The following PHLDB2 variants were observed in gnomAD, a reference collection of about 807,000 sequenced individuals.
PHLDB2 encodes pleckstrin homology-like domain family B member 2.
A neutral mutation model predicts 123.6 loss-of-function variants in PHLDB2; 71 were observed. The ratio of observed to expected loss-of-function variants is 0.57; its 90% CI spans 0.47 to 0.70. The LOEUF (loss-of-function observed/expected upper bound fraction) is 0.70. Among genes scored for constraint, PHLDB2 ranks in the 30% least tolerant of loss-of-function variants. The pLI, the probability that PHLDB2 is intolerant of heterozygous loss-of-function variation, is 0.00. For missense variants in PHLDB2, 1,446 were observed against 1,519.5 expected, an observed-to-expected ratio of 0.95 and a Z score of 0.80; for synonymous variants, 547 against 541.6, an observed-to-expected ratio of 1.01 and a Z score of -0.14.
intron 1 of PHLDB2, among the ~76,000 whole-genome samples, chr3:111,861,273 C>G (rs2064824437): frequency 6.6e-6 from 1 of 152,216 alleles, no homozygotes; most frequent in South Asian, 2.1e-4. Flanking sequence ...ACAGTTCTGT[C>G]TATTCTTGGC....
intron 6 of PHLDB2, among the ~76,000 whole-genome samples, chr3:111,938,428 G>A (rs1230989998): frequency 6.6e-6 from 1 of 151,734 alleles, no homozygotes; most frequent in Non-Finnish European, 1.5e-5. Context: ...AAAATTATTA[G>A]AGCATGCATT....
chr3:111,927,550 C>G (rs1226192378), intron 5 of PHLDB2, among the ~76,000 whole-genome samples: 1 of 152,134 alleles, frequency 6.6e-6, no homozygotes, highest in Non-Finnish European at 1.5e-5. Flanking sequence ...TTAGGAAAAT[C>G]TTTATCATGC....
At chr3:111,945,183 T>C (rs1384551017) in intron 8 of PHLDB2, 85 bp from the exon 9 acceptor site, 2 of 863,578 alleles carry the variant, frequency 2.3e-6, no homozygotes, top group Admixed American at 2.3e-5. Flanking sequence ...GAGAATCTGA[T>C]GTTAGTCTCT....
chr3:111,873,894 G>A (rs2065465714), intron 1 of PHLDB2, among the ~76,000 whole-genome samples: 1 of 152,038 alleles, frequency 6.6e-6, no homozygotes, highest in African/African-American at 2.4e-5. Context: ...ACATGGTGGT[G>A]GAGACAGAAA....
At chr3:111,904,277 C>CCAAAAAAAA (rs538555039) in intron 2 of PHLDB2, among the ~76,000 whole-genome samples, 4 of 86,750 alleles carry the variant, frequency 4.6e-5, no homozygotes, top group Admixed American at 1.5e-4. Flanking sequence ...GACCCTGTCT[C>CCAAAAAAAA]AAAAAAAAAA....
chr3:111,744,843 A>G (rs968258815), intron 1 of PHLDB2, among the ~76,000 whole-genome samples: 4 of 152,204 alleles, frequency 2.6e-5, no homozygotes, highest in African/African-American at 9.6e-5. Flanking sequence ...AGCTCTTAGT[A>G]TACCACCTGA....
At chr3:111,797,310 G>A (rs1328544442) in intron 1 of PHLDB2, among the ~76,000 whole-genome samples, 2 of 152,182 alleles carry the variant, frequency 1.3e-5, no homozygotes, top group East Asian at 3.8e-4. Context: ...GAAAAAGAAA[G>A]ATGTGGAACT....
intron 9 of PHLDB2, among the ~76,000 whole-genome samples, chr3:111,947,809 C>T (rs2070416018): frequency 6.6e-6 from 1 of 152,198 alleles, no homozygotes; most frequent in Non-Finnish European, 1.5e-5. Flanking sequence ...ACAATCAACT[C>T]TAGCATTCTC....
At chr3:111,776,088 C>A (rs1275441000) in intron 1 of PHLDB2, among the ~76,000 whole-genome samples, 2 of 152,162 alleles carry the variant, frequency 1.3e-5, no homozygotes, top group Non-Finnish European at 2.9e-5. Context: ...TTATGAATAA[C>A]TAGACTGAGA....
intron 1 of PHLDB2, among the ~76,000 whole-genome samples, chr3:111,826,958 GC>G (rs1328236184): frequency 6.6e-6 from 1 of 152,056 alleles, no homozygotes; most frequent in Non-Finnish European, 1.5e-5. Flanking sequence ...AATGATGATG[GC>G]CGACATTTAT....
At chr3:111,771,750 G>T (rs963868231) in intron 1 of PHLDB2, among the ~76,000 whole-genome samples, 1 of 152,156 alleles carries the variant, frequency 6.6e-6, no homozygotes, top group Admixed American at 6.5e-5. Flanking sequence ...CTACCCTCAT[G>T]ACTTTAACTT....
chr3:111,814,172 G>A (rs1226758220), intron 1 of PHLDB2, among the ~76,000 whole-genome samples: 1 of 152,188 alleles, frequency 6.6e-6, no homozygotes, highest in African/African-American at 2.4e-5. Flanking sequence ...TCTTGGGTGT[G>A]TCTGTGAGGG....
intron 5 of PHLDB2, among the ~76,000 whole-genome samples, chr3:111,930,932 T>G (rs979647239): frequency 2.6e-5 from 4 of 152,222 alleles, no homozygotes; most frequent in Admixed American, 6.5e-5. Context: ...TTTCTAAATT[T>G]AAGTGAAAAA....
chr3:111,866,796 A>G (rs944883386), intron 1 of PHLDB2, among the ~76,000 whole-genome samples: 7 of 152,188 alleles, frequency 4.6e-5, no homozygotes, highest in Non-Finnish European at 8.8e-5. Flanking sequence ...TCTGCACTTC[A>G]CTGGGTGATT....
chr3:111,887,866 A>G (rs2066265437), intron 2 of PHLDB2, among the ~76,000 whole-genome samples: 2 of 152,148 alleles, frequency 1.3e-5, no homozygotes, highest in African/African-American at 4.8e-5. Flanking sequence ...ATTTAGGGTT[A>G]AGAATACCTG....
At chr3:111,904,431 A>G (rs2067397479) in intron 2 of PHLDB2, among the ~76,000 whole-genome samples, 1 of 152,068 alleles carries the variant, frequency 6.6e-6, no homozygotes, top group South Asian at 2.1e-4. Flanking sequence ...TTTTACTCCT[A>G]ATTTTCCTGG....
At chr3:111,899,834 G>A (rs1015175798) in intron 2 of PHLDB2, among the ~76,000 whole-genome samples, 5 of 152,080 alleles carry the variant, frequency 3.3e-5, no homozygotes, top group Admixed American at 6.6e-5. Context: ...TTGAGCTCCC[G>A]GCCTCAAGTG....
chr3:111,899,403 C>G (rs2067060329), intron 2 of PHLDB2, among the ~76,000 whole-genome samples: 1 of 152,134 alleles, frequency 6.6e-6, no homozygotes. Flanking sequence ...ATGCATTTAG[C>G]TATTTTTCCT....
At chr3:111,914,538 T>C (rs2107509090) in intron 3 of PHLDB2, 1 of 152,312 alleles carries the variant, frequency 6.6e-6, no homozygotes, top group Non-Finnish European at 1.5e-5. Context: ...TGCTTTTCTT[T>C]AATTATACAT....
Sources: allele counts gnomAD v4.1 joint callset (sites outside exome capture counted in the v4.1 genomes callset), GRCh38; gene constraint gnomAD v4.1.1; transcripts MANE v1.5; gene names NCBI Gene and HGNC (gene_info 2026-07-23, HGNC 2026-07-21).